The following ZNF560 variants were observed in gnomAD, a reference collection of about 807,000 sequenced individuals.
ZNF560 encodes the protein zinc finger protein 560.
ZNF560 carries 54 observed loss-of-function variants against 81.8 expected under a neutral mutation model. The ratio of observed to expected loss-of-function variants is 0.66; its 90% CI spans 0.53 to 0.83. ZNF560 has a LOEUF of 0.83. Among genes scored for constraint, ZNF560 ranks in the 40% least tolerant of loss-of-function variants. ZNF560 has a pLI of 0.00. For missense variants in ZNF560, 940 were observed against 932.4 expected, an observed-to-expected ratio of 1.01 and a Z score of -0.11; for synonymous variants, 321 against 317.9, an observed-to-expected ratio of 1.01 and a Z score of -0.10.
At chr19:9,484,656 C>T (rs892274939) in intron 2 of ZNF560, among the ~76,000 whole-genome samples, 8 of 149,320 alleles carry the variant, frequency 5.4e-5, no homozygotes, top group South Asian at 4.2e-4. Context: ...ATTAGCCAGG[C>T]GTCACAGCGC....
the ZNF560 span, among the ~76,000 whole-genome samples, chr19:9,454,976 A>G: frequency 6.6e-6 from 1 of 152,136 alleles, no homozygotes; most frequent in African/African-American, 2.4e-5. Context: ...AAGATAGGGA[A>G]TGGCCTGACC....
rs529719811 is a variant in ZNF560 at position 9,485,295 on chromosome 19, A to G, written c.-56-9926T>C. ...CCTCAACAAAATACTAGCAAGCTGAATTCAACAGCACATTAAAATTATCAT... is the reference window on the plus strand; with the variant it reads ...CCTCAACAAAATACTAGCAAGCTGAGTTCAACAGCACATTAAAATTATCAT... On this transcript the variant is annotated intron_variant, in intron 2 of 9. Transcript: ENST00000301480. 4.4e-4 allele frequency among the ~76,000 whole-genome samples: 67 copies of G among 152,310 alleles called. 1 individual carries two copies. Among genetic ancestry groups the G allele is most frequent in the Non-Finnish European group, 7.9e-4 (54 of 68,022 alleles).
chr19:9,501,325 CTT>C (rs869239915), upstream of ZNF560, among the ~76,000 whole-genome samples: 3 of 104,544 alleles, frequency 2.9e-5, no homozygotes, highest in African/African-American at 7.7e-5. Flanking sequence ...TGCCTGGCTA[CTT>C]TGTGTGTGTG....
rs2073063350 is a variant in ZNF560, at chr19:9,468,186, A to G, written c.761T>C (p.Leu254Pro). The G allele has an allele frequency of 6.2e-7, 1 of 1,614,060 alleles. No individual in the cohort carries two copies. Among genetic ancestry groups the G allele is most frequent in the Non-Finnish European group, 8.5e-7 (1 of 1,180,036 alleles). ...CCTTATGGTAGAGGTTTTATTGTATAGAGAAAGGAGGTCTTTTGCATACTG... is the reference window on the plus strand; with the variant it reads ...CCTTATGGTAGAGGTTTTATTGTATGGAGAAAGGAGGTCTTTTGCATACTG... ...CIQYAKDLLS[L>P]YNKTSTIRKV... The change falls in exon 10 of 10, where the codon CTA (leucine) becomes CCA (proline). Residue 254 changes from leucine (L) to proline (P), a missense_variant. By Grantham distance (98) the Leu-to-Pro change is moderately conservative. Coordinates refer to ENST00000301480, the MANE Select transcript of ZNF560 (RefSeq NM_152476.3).
chr19:9,469,073 G>A (rs2073081559), intron 9 of ZNF560, 32 bp downstream of exon 9: 20 of 1,510,278 alleles, frequency 1.3e-5, no homozygotes, highest in Non-Finnish European at 1.7e-5. Context: ...CTCTGAATGT[G>A]AAAAATAAGA....
At chr19:9,475,818 G>A (rs547591842) in intron 2 of ZNF560, among the ~76,000 whole-genome samples, 1 of 152,148 alleles carries the variant, frequency 6.6e-6, no homozygotes, top group Admixed American at 6.5e-5. Flanking sequence ...GTGTTACCCA[G>A]GATGTTCTCC....
chr19:9,487,236 T>C (rs916959069), intron 2 of ZNF560, among the ~76,000 whole-genome samples: 1 of 152,168 alleles, frequency 6.6e-6, no homozygotes, highest in Admixed American at 6.6e-5. Flanking sequence ...GAAAGTAAAA[T>C]TGCCTTGCTG....
chr19:9,495,161 AAAT>A (rs1185187193), intron 2 of ZNF560, among the ~76,000 whole-genome samples: 1 of 152,112 alleles, frequency 6.6e-6, no homozygotes, highest in African/African-American at 2.4e-5. Flanking sequence ...AAATAAAAAT[AAAT>A]AATAATAAAA....
chr19:9,501,325 CTTTGTG>C (rs1414592616), upstream of ZNF560, among the ~76,000 whole-genome samples: 9 of 104,592 alleles, frequency 8.6e-5, no homozygotes, highest in South Asian at 3.6e-4. Context: ...TGCCTGGCTA[CTTTGTG>C]TGTGTGTGTG....
At chr19:9,446,642 CTG>C in the ZNF560 span, among the ~76,000 whole-genome samples, 1 of 152,080 alleles carries the variant, frequency 6.6e-6, no homozygotes, top group Non-Finnish European at 1.5e-5. Flanking sequence ...TGTCAGTCAA[CTG>C]TATTACATTA....
At chr19:9,473,028 GC>G in intron 5 of ZNF560, 150 bp downstream of exon 5, 1 of 664,744 alleles carries the variant, frequency 1.5e-6, no homozygotes. Flanking sequence ...TTTCTGTAGA[GC>G]CTGCAGAATC....
upstream of ZNF560, among the ~76,000 whole-genome samples, chr19:9,501,107 T>G (rs1199618989): frequency 6.6e-6 from 1 of 152,040 alleles, no homozygotes; most frequent in African/African-American, 2.4e-5. Flanking sequence ...TTTTAAGGAT[T>G]TTTGCATCTA....
At chr19:9,446,365 T>TACACACACACACACACACAC in the ZNF560 span, among the ~76,000 whole-genome samples, 76 of 145,244 alleles carry the variant, frequency 5.2e-4, no homozygotes, top group African/African-American at 1.8e-3. Flanking sequence ...TGCCAAGTCA[T>TACACACACACACACACACAC]ACACACACAC....
At chr19:9,502,267 A>G (rs2073639395), upstream of ZNF560, among the ~76,000 whole-genome samples, 1 of 151,872 alleles carries the variant, frequency 6.6e-6, no homozygotes, top group South Asian at 2.1e-4. Flanking sequence ...GCTGGAGTGT[A>G]GTGGCGCAAT....
rs756860492 is a variant in ZNF560 at position 9,467,761 on chromosome 19, G to A, written c.1186C>T (p.Arg396Ter). ...TAGGGCTTCTCTCCAGTGTGAGTTC[G>A]TACATGTTCAAGAAAGCCTGACGGC... ...TVPSGFLEHV[R>*]THTGEKPYGC... The change falls in exon 10 of 10, where the codon CGA becomes TGA. Residue 396 changes from arginine to a stop codon, truncating the protein, a stop_gained. Coordinates refer to ENST00000301480, the MANE Select transcript of ZNF560 (RefSeq NM_152476.3). LOFTEE classifies it high-confidence loss of function. The A allele has an allele frequency of 7.4e-6, 12 of 1,614,028 alleles. No individual in the cohort carries two copies. The highest frequency in any genetic ancestry group is 6.7e-5 in the African/African-American group (5 of 74,920).
chr19:9,479,165 A>AT (rs1034752870), intron 2 of ZNF560, among the ~76,000 whole-genome samples: 57 of 148,316 alleles, frequency 3.8e-4, no homozygotes, highest in Admixed American at 2.8e-3. Flanking sequence ...CCAGCCTGGG[A>AT]TTTTTTTTTT....
At chr19:9,489,475 C>T (rs913363940) in intron 2 of ZNF560, among the ~76,000 whole-genome samples, 2 of 151,800 alleles carry the variant, frequency 1.3e-5, no homozygotes, top group Admixed American at 1.3e-4. Context: ...CCTCACTTTC[C>T]AGACAGTGGG....
At chr19:9,488,995 T>C (rs1343709486) in intron 2 of ZNF560, among the ~76,000 whole-genome samples, 1 of 152,210 alleles carries the variant, frequency 6.6e-6, no homozygotes. Flanking sequence ...CTTCACCTTC[T>C]GCCATGACTG....
chr19:9,502,129 G>C (rs2073637880), upstream of ZNF560, among the ~76,000 whole-genome samples: 2 of 151,792 alleles, frequency 1.3e-5, no homozygotes, highest in African/African-American at 2.4e-5. Flanking sequence ...ACTCCAGCCT[G>C]GGTGACAGAG....
Sources: gnomAD v4.1 joint callset for allele counts (sites outside exome capture counted in the v4.1 genomes callset) on GRCh38, gnomAD v4.1.1 for gene constraint, MANE v1.5 for transcripts, NCBI Gene and HGNC (gene_info 2026-07-23, HGNC 2026-07-21) for gene names.